The following AUTS2 variants were observed in gnomAD, a reference collection of about 807,000 sequenced individuals.
AUTS2 encodes activator of transcription and developmental regulator AUTS2, also known as autism susceptibility gene 2 protein.
AUTS2 carries 17 observed loss-of-function variants against 112.4 expected under a neutral mutation model. The ratio of observed to expected loss-of-function variants is 0.15; its 90% CI spans 0.10 to 0.23. AUTS2 has a LOEUF of 0.23. Ranked by LOEUF, AUTS2 falls within the 10% of genes least tolerant of loss-of-function variation. The pLI is 1.00. For synonymous variants in AUTS2, 751 were observed against 702.7 expected, an observed-to-expected ratio of 1.07 and a Z score of -1.09; for missense variants, 1,510 against 1,701.6, an observed-to-expected ratio of 0.89 and a Z score of 1.98.
At chr7:69,933,115 A>T (rs1417062613) in intron 2 of AUTS2, among the ~76,000 whole-genome samples, 3 of 152,122 alleles carry the variant, frequency 2.0e-5, no homozygotes, top group Non-Finnish European at 4.4e-5. Context: ...TTTGTGTTAG[A>T]TTTCAATAAA....
intron 1 of AUTS2, among the ~76,000 whole-genome samples, chr7:69,748,461 T>A (rs1384450072): frequency 2.0e-5 from 3 of 152,182 alleles, no homozygotes; most frequent in Admixed American, 6.5e-5. Flanking sequence ...GTTCTGGTTA[T>A]AAAATTGAAA....
intron 5 of AUTS2, among the ~76,000 whole-genome samples, chr7:70,682,602 T>C (rs1486665575): frequency 2.0e-5 from 3 of 152,348 alleles, no homozygotes; most frequent in African/African-American, 4.8e-5. Context: ...CATCCTGGCA[T>C]GTGCTCACCT....
At chr7:70,701,542 T>A (rs1407955644) in intron 6 of AUTS2, among the ~76,000 whole-genome samples, 1 of 152,248 alleles carries the variant, frequency 6.6e-6, no homozygotes, top group Non-Finnish European at 1.5e-5. Flanking sequence ...CCCTGTGTTA[T>A]AGATGCCATC....
At chr7:70,464,530 T>A (rs1180597972) in intron 5 of AUTS2, among the ~76,000 whole-genome samples, 1 of 152,208 alleles carries the variant, frequency 6.6e-6, no homozygotes, top group African/African-American at 2.4e-5. Flanking sequence ...CCCAGAACAT[T>A]TAGGTAACTT....
chr7:70,205,876 A>T lies in AUTS2; in HGVS notation c.660+71305A>T, dbSNP rs1280734247. ...AGCATAAGCTTTAAGAGGAGGGAAAACTTGGTTCCCGTGGCTTTATCAGGG... is the reference window on the plus strand; with the variant it reads ...AGCATAAGCTTTAAGAGGAGGGAAATCTTGGTTCCCGTGGCTTTATCAGGG... On this transcript the variant is annotated intron_variant, in intron 4 of 18. Transcript: ENST00000342771. Among the ~76,000 whole-genome samples, 3 of 152,282 alleles carry T rather than the reference A, an allele frequency of 2.0e-5. No homozygotes were observed. The East Asian group carries it at 5.8e-4, about 29-fold the overall frequency.
At chr7:70,185,589 TG>T (rs1379808409) in intron 4 of AUTS2, among the ~76,000 whole-genome samples, 1 of 152,234 alleles carries the variant, frequency 6.6e-6, no homozygotes, top group Non-Finnish European at 1.5e-5. Flanking sequence ...AGAGCTAATA[TG>T]TGGTCACGTT....
Position 69,866,088 on chromosome 7 carries a change from C to T in AUTS2, c.310-33198C>T, listed in dbSNP as rs576808425. Reference sequence around the variant, plus strand: ...TTGTCCAGATCTTCCTTACACATCACCTGCAAGTAGCTGATCATCCTCTTA... The same window carrying T: ...TTGTCCAGATCTTCCTTACACATCATCTGCAAGTAGCTGATCATCCTCTTA... On this transcript the variant is annotated intron_variant, in intron 1 of 18. Transcript: ENST00000342771. 3.9e-5 allele frequency among the ~76,000 whole-genome samples: 6 copies of T among 152,236 alleles called. 1 individual carries two copies. Among genetic ancestry groups the T allele is most frequent in the African/African-American group, 1.4e-4 (6 of 41,550 alleles).
chr7:70,767,248 TC>T (rs750536783), intron 9 of AUTS2, among the ~76,000 whole-genome samples: 2 of 152,112 alleles, frequency 1.3e-5, no homozygotes, highest in South Asian at 4.1e-4. Flanking sequence ...TTCCTCTCCC[TC>T]CCCCCATCTT....
chr7:69,767,712 A>C (rs1297890526), intron 1 of AUTS2, among the ~76,000 whole-genome samples: 2 of 152,194 alleles, frequency 1.3e-5, no homozygotes, highest in African/African-American at 4.8e-5. Flanking sequence ...GTATGTGATC[A>C]TTTGCGGATT....
intron 5 of AUTS2, among the ~76,000 whole-genome samples, chr7:70,643,901 T>A (rs1279883011): frequency 6.6e-6 from 1 of 152,130 alleles, no homozygotes; most frequent in Non-Finnish European, 1.5e-5. Context: ...AAAGACTGGC[T>A]CAGTCCATCC....
At chr7:69,910,681 T>C (rs1480633078) in intron 2 of AUTS2, among the ~76,000 whole-genome samples, 1 of 152,036 alleles carries the variant, frequency 6.6e-6, no homozygotes, top group Non-Finnish European at 1.5e-5. Flanking sequence ...CAGGCTGGAG[T>C]GTAGTGGTGT....
chr7:70,598,528 CT>C (rs1803310611), intron 5 of AUTS2, among the ~76,000 whole-genome samples: 1 of 152,148 alleles, frequency 6.6e-6, no homozygotes, highest in Non-Finnish European at 1.5e-5. Flanking sequence ...CATATCGCTC[CT>C]TTTTCCCTAT....
chr7:70,542,815 C>T (rs1017517370), intron 5 of AUTS2, among the ~76,000 whole-genome samples: 1 of 152,152 alleles, frequency 6.6e-6, no homozygotes, highest in African/African-American at 2.4e-5. Flanking sequence ...ACTTCTGGTG[C>T]CCCAAGCTGA....
chr7:70,552,317 G>A (rs539212275), intron 5 of AUTS2, among the ~76,000 whole-genome samples: 5 of 152,244 alleles, frequency 3.3e-5, no homozygotes, highest in African/African-American at 1.2e-4. Flanking sequence ...GTGAGAACCT[G>A]TTTGCATGTT....
At chr7:70,348,811 AAAAAAAC>A (rs1303964409) in intron 4 of AUTS2, among the ~76,000 whole-genome samples, 1 of 152,136 alleles carries the variant, frequency 6.6e-6, no homozygotes, top group Non-Finnish European at 1.5e-5. Flanking sequence ...ACTCCGTCTC[AAAAAAAC>A]AAAAAACAAA....
At chr7:70,034,313 A>G (rs1379213593) in intron 2 of AUTS2, among the ~76,000 whole-genome samples, 1 of 152,154 alleles carries the variant, frequency 6.6e-6, no homozygotes, top group African/African-American at 2.4e-5. Flanking sequence ...TAACTCTGTG[A>G]TGCTTTCTTC....
At chr7:70,224,132 T>C (rs1288770891) in intron 4 of AUTS2, among the ~76,000 whole-genome samples, 1 of 152,032 alleles carries the variant, frequency 6.6e-6, no homozygotes, top group Admixed American at 6.6e-5. Context: ...CTGTGCAATG[T>C]GGTGAAATCT....
chr7:69,764,317 T>G (rs1788323295), intron 1 of AUTS2, among the ~76,000 whole-genome samples: 1 of 151,990 alleles, frequency 6.6e-6, no homozygotes, highest in Non-Finnish European at 1.5e-5. Flanking sequence ...CTGGAGCCCC[T>G]GCCGTGCTCT....
intron 1 of AUTS2, among the ~76,000 whole-genome samples, chr7:69,852,625 G>T (rs1022266533): frequency 6.6e-6 from 1 of 151,908 alleles, no homozygotes; most frequent in Non-Finnish European, 1.5e-5. Flanking sequence ...GCTAATTTTT[G>T]TATTTTTAGT....
Sources: allele counts gnomAD v4.1 joint callset (sites outside exome capture counted in the v4.1 genomes callset), GRCh38; gene constraint gnomAD v4.1.1; transcripts MANE v1.5; gene names NCBI Gene and HGNC (gene_info 2026-07-23, HGNC 2026-07-21).